Variants in ERC1 observed in about 807,000 individuals in gnomAD.
ERC1 encodes RAB6 interacting protein 2.
In ERC1, 56 loss-of-function variants were observed where a neutral mutation model predicts 132.0. The observed-to-expected ratio is 0.42, with a 90% CI of 0.34 to 0.53. ERC1 has a LOEUF of 0.53. Ranked by LOEUF, ERC1 falls within the 20% of genes least tolerant of loss-of-function variation. The probability of loss-of-function intolerance (pLI) is 0.03; values close to 1 mark genes in which losing one functional copy is unlikely to be tolerated. For synonymous variants in ERC1, 478 were observed against 476.1 expected, an observed-to-expected ratio of 1.00 and a Z score of -0.05; for missense variants, 1,202 against 1,349.9, an observed-to-expected ratio of 0.89 and a Z score of 1.72.
intron 15 of ERC1, among the ~76,000 whole-genome samples, chr12:1,336,683 GA>G (rs1440996641): frequency 5.3e-5 from 8 of 152,186 alleles, no homozygotes; most frequent in African/African-American, 1.9e-4. Flanking sequence ...GTCAGTTTTA[GA>G]GTATGTGCCA....
intron 2 of ERC1, among the ~76,000 whole-genome samples, chr12:1,074,625 C>T (rs959022824): frequency 3.3e-5 from 5 of 152,136 alleles, no homozygotes; most frequent in East Asian, 1.9e-4. Flanking sequence ...AACTTCTATT[C>T]TGGGTTGTGG....
intron 7 of ERC1, among the ~76,000 whole-genome samples, chr12:1,126,725 C>T (rs1042020759): frequency 6.6e-6 from 1 of 152,050 alleles, no homozygotes; most frequent in Non-Finnish European, 1.5e-5. Context: ...TGTGGTGGCT[C>T]ACGCCTGTAA....
In ERC1 at chr12:1,028,518, T is replaced by G. The variant is rs771781513; in HGVS notation, c.615T>G (p.Ala205=). ...KKERALRKDE[A]SKITIWKEQY... ...AACGAGCCCTGAGAAAAGATGAAGC[T>G]TCCAAAATCACCATTTGGAAGGAAC... Residue 205 remains alanine, a synonymous_variant, in exon 2 of 19, where the codon GCT becomes GCG. Transcript: ENST00000360905. 6.2e-7 allele frequency: 1 copy of G among 1,614,046 alleles called. No homozygotes were observed. The highest frequency in any genetic ancestry group is 8.5e-7 in the Non-Finnish European group (1 of 1,180,026).
intron 18 of ERC1, among the ~76,000 whole-genome samples, chr12:1,478,419 A>G (rs2094016391): frequency 1.3e-5 from 2 of 152,112 alleles, no homozygotes. Flanking sequence ...GGAGTTCTTT[A>G]TATATTATGG....
chr12:1,329,022 G>A lies in ERC1; in HGVS notation c.2780+39010G>A, dbSNP rs187207106. Among the ~76,000 whole-genome samples the A allele has an allele frequency of 4.5e-3, 645 of 144,624 alleles. 66 individuals are homozygous for A. The highest frequency in any genetic ancestry group is 0.016 in the African/African-American group (619 of 38,634). 94.9% of individuals were successfully genotyped at this position (144,624 alleles called of 152,430 possible). A position where few individuals can be genotyped will look rare whatever the true frequency, so the allele number is the denominator to read the frequency against. Reference sequence around the variant, plus strand: ...AAAAAAAGCCTTAGCGACCAGGCACGGTGGCTCACGCCTGTAATCCCAGCA... The same window carrying A: ...AAAAAAAGCCTTAGCGACCAGGCACAGTGGCTCACGCCTGTAATCCCAGCA... On this transcript the variant is annotated intron_variant, in intron 15 of 18. Coordinates refer to ENST00000360905, the MANE Select transcript of ERC1 (RefSeq NM_178040.4).
chr12:1,155,648 T>C (rs1033678985), intron 8 of ERC1, among the ~76,000 whole-genome samples: 7 of 152,056 alleles, frequency 4.6e-5, no homozygotes, highest in Admixed American at 1.3e-4. Context: ...GGCTAATTTT[T>C]TGTATTTTTA....
intron 16 of ERC1, among the ~76,000 whole-genome samples, chr12:1,384,829 T>C (rs1257219506): frequency 6.6e-6 from 1 of 152,222 alleles, no homozygotes; most frequent in East Asian, 1.9e-4. Flanking sequence ...GAATGGAGCA[T>C]TTAGAATTGG....
At chr12:1,390,481 A>G (rs762369141) in intron 16 of ERC1, 1 of 152,234 alleles carries the variant, frequency 6.6e-6, no homozygotes, top group African/African-American at 2.4e-5. Flanking sequence ...TACATTACTG[A>G]GTTAATAAAA....
chr12:1,178,065 A>C (rs1047026554), intron 8 of ERC1, among the ~76,000 whole-genome samples: 5 of 152,248 alleles, frequency 3.3e-5, no homozygotes, highest in African/African-American at 1.2e-4. Context: ...TGGTTCACCC[A>C]TACGATTATC....
At chr12:1,093,267 A>G (rs1943482694) in intron 3 of ERC1, among the ~76,000 whole-genome samples, 2 of 150,900 alleles carry the variant, frequency 1.3e-5, no homozygotes, top group South Asian at 4.2e-4. Context: ...TTGTACTCAA[A>G]TCACATTGTT....
At chr12:1,355,332 T>C (rs1337549234) in intron 15 of ERC1, among the ~76,000 whole-genome samples, 1 of 152,240 alleles carries the variant, frequency 6.6e-6, no homozygotes, top group African/African-American at 2.4e-5. Context: ...TTCTTTTTTT[T>C]CAACCATTTA....
intron 18 of ERC1, among the ~76,000 whole-genome samples, chr12:1,488,699 T>G (rs1217171144): frequency 6.6e-6 from 1 of 152,222 alleles, no homozygotes; most frequent in Non-Finnish European, 1.5e-5. Flanking sequence ...TATATTCCAT[T>G]TTTAATTTTC....
chr12:1,352,707 T>G (rs1402913758), intron 15 of ERC1, among the ~76,000 whole-genome samples: 1 of 152,252 alleles, frequency 6.6e-6, no homozygotes, highest in Non-Finnish European at 1.5e-5. Context: ...CACATAGTGG[T>G]CGCAGACATT....
intron 2 of ERC1, among the ~76,000 whole-genome samples, chr12:1,076,653 A>G (rs886529823): frequency 6.6e-6 from 1 of 152,126 alleles, no homozygotes; most frequent in African/African-American, 2.4e-5. Flanking sequence ...TTGGCTTCCC[A>G]AAGTGCTGGG....
chr12:1,361,247 G>C (rs892156284), intron 15 of ERC1, among the ~76,000 whole-genome samples: 2 of 136,830 alleles, frequency 1.5e-5, no homozygotes, highest in African/African-American at 6.2e-5. Context: ...ATCACACACC[G>C]GGGACTGTTG....
intron 13 of ERC1, among the ~76,000 whole-genome samples, chr12:1,237,983 T>C (rs550639495): frequency 6.6e-6 from 1 of 152,322 alleles, no homozygotes; most frequent in South Asian, 2.1e-4. Context: ...AAGAAGACTC[T>C]ACTTTTTACT....
At chr12:1,379,004 T>C (rs1435359601) in intron 16 of ERC1, among the ~76,000 whole-genome samples, 1 of 152,202 alleles carries the variant, frequency 6.6e-6, no homozygotes, top group African/African-American at 2.4e-5. Flanking sequence ...TTAGGGAATA[T>C]ATTGTGTGAT....
intron 18 of ERC1, among the ~76,000 whole-genome samples, chr12:1,483,105 T>G (rs997587043): frequency 6.6e-6 from 1 of 152,084 alleles, no homozygotes; most frequent in Admixed American, 6.6e-5. Flanking sequence ...GAGACCAGCC[T>G]GGGCAACATG....
chr12:1,440,389 G>C (rs866354243), intron 17 of ERC1, among the ~76,000 whole-genome samples: 1 of 150,094 alleles, frequency 6.7e-6, no homozygotes, highest in South Asian at 2.1e-4. Context: ...TGTATTTTTA[G>C]TAGAGACGGG....
Sources: gnomAD v4.1 joint callset for allele counts (sites outside exome capture counted in the v4.1 genomes callset) on GRCh38, gnomAD v4.1.1 for gene constraint, MANE v1.5 for transcripts, NCBI Gene and HGNC (gene_info 2026-07-23, HGNC 2026-07-21) for gene names.